ARAP3: variants seen among roughly 807,000 people sequenced by gnomAD.
ARAP3 encodes the protein ArfGAP with RhoGAP domain, ankyrin repeat and PH domain 3.
A neutral mutation model predicts 169.2 loss-of-function variants in ARAP3; 82 were observed. That is an observed-to-expected ratio of 0.48 (90% CI 0.41 to 0.58). ARAP3 has a LOEUF of 0.58. ARAP3 is among the 20% of genes least tolerant of loss of function. ARAP3 has a pLI of 0.00. For synonymous variants in ARAP3, 791 were observed against 800.3 expected (o/e 0.99, Z 0.20); for missense variants, 1,764 against 2,018.0 (o/e 0.87, Z 2.41).
In ARAP3 at chr5:141,677,121, G is replaced by A. The variant is rs893526572; in HGVS notation, c.698+2424C>T. 5.3e-5 allele frequency among the ~76,000 whole-genome samples: 8 copies of A among 152,178 alleles called. No homozygotes were observed. The East Asian group carries it at 1.5e-3, about 29-fold the overall frequency. On this transcript the variant is annotated intron_variant, in intron 4 of 32. Coordinates refer to ENST00000239440, the MANE Select transcript of ARAP3 (RefSeq NM_022481.6). ...GTAGCCACGTTTAAAAAAATTAAAA[G>A]AAACAGGTGAAATTAATTTTAATAA...
chr5:141,664,577 C>T (rs17287009), intron 19 of ARAP3, among the ~76,000 whole-genome samples: 7,009 of 152,266 alleles, frequency 0.046, 218 homozygotes, highest in Non-Finnish European at 0.072. Context: ...TCCTCAGTCA[C>T]ATTTTCAGTG....
intron 14 of ARAP3, 147 bp from the exon 15 acceptor site, chr5:141,670,210 TCA>T (rs1354657418): frequency 8.3e-7 from 1 of 1,205,902 alleles, no homozygotes; most frequent in Non-Finnish European, 1.1e-6. Context: ...GGTGTTATAC[TCA>T]GTCCTGTTTT....
At chr5:141,677,947 G>T (rs1420048761) in intron 4 of ARAP3, among the ~76,000 whole-genome samples, 1 of 136,010 alleles carries the variant, frequency 7.4e-6, no homozygotes, top group African/African-American at 2.6e-5. Flanking sequence ...ACCACCCCCA[G>T]CTATTTTTTT....
chr5:141,673,374 A>G (rs1274579849), intron 6 of ARAP3, 27 bp downstream of exon 6: 1 of 1,612,776 alleles, frequency 6.2e-7, no homozygotes, highest in African/African-American at 1.3e-5. Flanking sequence ...CCTCATCTCC[A>G]TATCGTCACA....
In ARAP3 at chr5:141,671,199, G is replaced by A; in HGVS notation, c.1990+66C>T. On this transcript the variant is annotated intron_variant, in intron 13 of 32. Coordinates refer to ENST00000239440, the MANE Select transcript of ARAP3 (RefSeq NM_022481.6). This position sits in a 1 kb window ranked among gnomAD's most constrained non-coding sequence, Gnocchi z 4.9. The stretch of plus-strand genomic sequence containing the variant: ...ATCAGCTAATTGGGGCCCCTTGGAA[G>A]AACTGAATCATAGGTTGGGTCTGAG... 6.5e-7 allele frequency: 1 copy of A among 1,532,598 alleles called. No individual in the cohort carries two copies. The allele number at this position is 1,532,598 out of a possible 1,614,324, so 94.9% of individuals were successfully genotyped here. A position where few individuals can be genotyped will look rare whatever the true frequency, so the allele number is the denominator to read the frequency against.
Position 141,654,411 on chromosome 5 carries a change from C to A in ARAP3, c.4174G>T (p.Val1392Leu). Residue 1392 changes from valine (V) to leucine (L), a missense_variant, in exon 33 of 33, where the codon GTG becomes TTG. By Grantham distance (32) the Val-to-Leu change is conservative. Transcript: ENST00000239440. The stretch of plus-strand genomic sequence containing the variant: ...TCCTCCAGCTCCTCTTGCTCCTCCA[C>A]AGACCCCTGGGATGACTTCATTGGC... ...FFPMKSSQGSVEEQEELEEPV... is the reference protein window; with the variant it reads ...FFPMKSSQGSLEEQEELEEPV... 1 of 1,603,332 alleles carries A rather than the reference C, an allele frequency of 6.2e-7. No homozygotes were observed. The highest frequency in any genetic ancestry group is 1.1e-5 in the South Asian group (1 of 89,780).
At chr5:141,662,670 T>G (rs181659517) in intron 19 of ARAP3, among the ~76,000 whole-genome samples, 1 of 152,288 alleles carries the variant, frequency 6.6e-6, no homozygotes, top group East Asian at 1.9e-4. Context: ...TTAAGTCCCC[T>G]CCCCAATGTG....
chr5:141,655,992 A>G (rs1336681447), intron 29 of ARAP3, 60 bp from the exon 30 acceptor site: 4 of 1,613,782 alleles, frequency 2.5e-6, no homozygotes, highest in South Asian at 1.1e-5. Context: ...GGAATGGAGC[A>G]TACAAAGAGG....
At chr5:141,661,907 C>A in intron 20 of ARAP3, 118 bp from the exon 21 acceptor site, 1 of 1,489,274 alleles carries the variant, frequency 6.7e-7, no homozygotes, top group Non-Finnish European at 9.3e-7. Context: ...CCCCTTCCCA[C>A]CTCCCCCTGA....
chr5:141,655,215 C>CACACACACACA, intron 32 of ARAP3, 147 bp downstream of exon 32: 1 of 400,250 alleles, frequency 2.5e-6, no homozygotes, highest in Non-Finnish European at 4.2e-6. Flanking sequence ...ACACACACAC[C>CACACACACACA]CTGATGGCCT....
At position 141,672,359 on chromosome 5, in the gene ARAP3, T is replaced by C. The variant is rs202224390; in HGVS notation, c.1386-58A>G. 1.8e-6 allele frequency: 2 copies of C among 1,128,154 alleles called. No individual in the cohort carries two copies. Among genetic ancestry groups the C allele is most frequent in the Non-Finnish European group, 1.2e-6 (1 of 843,948 alleles). 69.9% of individuals were successfully genotyped at this position (1,128,154 alleles called of 1,614,324 possible). ...ACCTACCTGCCATGTCCCATCCCCC[T>C]GGCTCTTCCTGCAGGAGCCACCACA... On this transcript the variant is annotated intron_variant, in intron 9 of 32. Transcript: ENST00000239440. This position sits in a 1 kb window ranked among gnomAD's most constrained non-coding sequence, Gnocchi z 4.9.
At chr5:141,673,269 T>C in intron 6 of ARAP3, 132 bp downstream of exon 6, 1 of 1,559,732 alleles carries the variant, frequency 6.4e-7, no homozygotes, top group Non-Finnish European at 8.7e-7. Context: ...CCAGCTACTT[T>C]AAATGCTGAC....
At position 141,659,401 on chromosome 5, in the gene ARAP3, G is replaced by A. The variant is rs747895526; in HGVS notation, c.3336+7C>T. The A allele has an allele frequency of 3.1e-6, 5 of 1,613,574 alleles. No individual in the cohort carries two copies. Among genetic ancestry groups the A allele is most frequent in the East Asian group, 2.2e-5 (1 of 44,900 alleles). ...CCATTCAGGAGACTAAGGTCAGGACGAGTTACCTGCACGTCCTTCCAGGTG... is the reference window on the plus strand; with the variant it reads ...CCATTCAGGAGACTAAGGTCAGGACAAGTTACCTGCACGTCCTTCCAGGTG... On this transcript the variant is annotated splice_region_variant and intron_variant, in intron 23 of 32. Coordinates refer to ENST00000239440, the MANE Select transcript of ARAP3 (RefSeq NM_022481.6).
intron 4 of ARAP3, among the ~76,000 whole-genome samples, chr5:141,678,501 T>C (rs150153928): frequency 5.3e-5 from 8 of 152,208 alleles, no homozygotes; most frequent in African/African-American, 1.2e-4. Flanking sequence ...CCGCTAACTG[T>C]AAATGAAAAA....
chr5:141,670,194 C>A, intron 14 of ARAP3, 131 bp from the exon 15 acceptor site: 8 of 1,290,422 alleles, frequency 6.2e-6, no homozygotes, highest in Non-Finnish European at 8.4e-6. Context: ...CACAATAACC[C>A]TATGAGGTGT....
rs1457851495 is a variant in ARAP3 at position 141,666,495 on chromosome 5, A to G, written c.2501T>C (p.Leu834Pro). The G allele has an allele frequency of 6.2e-7, 1 of 1,603,220 alleles. No individual in the cohort carries two copies. Among genetic ancestry groups the G allele is most frequent in the African/African-American group, 1.3e-5 (1 of 74,630 alleles). ...GGGGCCTGGGCCCGGCGCTGAGCACAGGAAGAGGTGGTCACCACGAAGGAG... is the reference window on the plus strand; with the variant it reads ...GGGGCCTGGGCCCGGCGCTGAGCACGGGAAGAGGTGGTCACCACGAAGGAG... ...FGLLRGDHLF[L>P]CSAPGPGPPA... The change falls in exon 17 of 33, where the codon CTG (leucine) becomes CCG (proline). Residue 834 changes from leucine to proline, a missense_variant. Leu to Pro is a moderately conservative substitution (Grantham distance 98). Coordinates refer to ENST00000239440, the MANE Select transcript of ARAP3 (RefSeq NM_022481.6).
chr5:141,675,736 T>A lies in ARAP3; in HGVS notation c.699-1928A>T, dbSNP rs558074513. Among the ~76,000 whole-genome samples, 10 of 149,096 alleles carry A rather than the reference T, an allele frequency of 6.7e-5. No individual in the cohort carries two copies. The East Asian group carries it at 2.0e-3, about 29-fold the overall frequency. On this transcript the variant is annotated intron_variant, in intron 4 of 32. Coordinates refer to ENST00000239440, the MANE Select transcript of ARAP3 (RefSeq NM_022481.6). The stretch of plus-strand genomic sequence containing the variant: ...AGACTCTGTCACAAAAAAAAAAAAA[T>A]TTCCCCAGCCTATGATACAGCTAAT...
At chr5:141,658,049 A>C (rs773418030) in intron 25 of ARAP3, among the ~76,000 whole-genome samples, 1 of 152,172 alleles carries the variant, frequency 6.6e-6, no homozygotes, top group Non-Finnish European at 1.5e-5. Flanking sequence ...AAATGTAGAT[A>C]GATGAGAGAA....
chr5:141,665,339 C>G lies in ARAP3; in HGVS notation c.2608G>C (p.Glu870Gln), dbSNP rs1278918920. The G allele has an allele frequency of 1.2e-6, 2 of 1,614,106 alleles. No individual in the cohort carries two copies. Among genetic ancestry groups the G allele is most frequent in the Non-Finnish European group, 1.7e-6 (2 of 1,180,042 alleles). Residue 870 changes from glutamate to glutamine, a missense_variant, in exon 18 of 33, where the codon GAG (glutamate) becomes CAG (glutamine). This residue lies in a region of ARAP3 where 1,112 missense variants were observed against 1,285.7 expected (regional missense o/e 0.86). Transcript: ENST00000239440. ...CCTGTCTCCACCAGGACCAAATGCT[C>G]TTTCTTATCTGGGGTGTCAGCTGCA... ...VSAADTPDKK[E>Q]HLVLVETGRT...
Sources: allele counts gnomAD v4.1 joint callset (sites outside exome capture counted in the v4.1 genomes callset), GRCh38; gene constraint gnomAD v4.1.1; regional missense constraint gnomAD v4.1.1; non-coding constraint Gnocchi (gnomAD v3.1); transcripts MANE v1.5; gene names NCBI Gene and HGNC (gene_info 2026-07-23, HGNC 2026-07-21).